SLC35F3: variants seen among roughly 807,000 people sequenced by gnomAD.
SLC35F3 encodes putative thiamine transporter SLC35F3.
Under a neutral mutation model 49.9 loss-of-function variants are expected in SLC35F3, and 25 were observed. The ratio of observed to expected loss-of-function variants is 0.50; its 90% CI spans 0.37 to 0.70. SLC35F3 has a LOEUF of 0.70. Among genes scored for constraint, SLC35F3 ranks in the 30% least tolerant of loss-of-function variants. SLC35F3 has a pLI of 0.00. For synonymous variants in SLC35F3, 275 were observed against 265.4 expected, an observed-to-expected ratio of 1.04 and a Z score of -0.35; for missense variants, 525 against 639.8, an observed-to-expected ratio of 0.82 and a Z score of 1.94.
At chr1:234,197,995 T>C in intron 2 of SLC35F3, among the ~76,000 whole-genome samples, 1 of 152,324 alleles carries the variant, frequency 6.6e-6, no homozygotes, top group East Asian at 1.9e-4. Context: ...CACTTGGCTG[T>C]GAGAAGCCTC....
At chr1:234,125,724 T>A (rs1665636410) in intron 2 of SLC35F3, among the ~76,000 whole-genome samples, 1 of 152,164 alleles carries the variant, frequency 6.6e-6, no homozygotes, top group African/African-American at 2.4e-5. Context: ...ACGGTGACAC[T>A]TCAGAGAAAT....
intron 2 of SLC35F3, among the ~76,000 whole-genome samples, chr1:234,003,210 A>G (rs1482170897): frequency 2.7e-5 from 4 of 149,116 alleles, no homozygotes; most frequent in Non-Finnish European, 4.5e-5. Flanking sequence ...TTTGCAGGAA[A>G]TGGATAAGAA....
At chr1:234,094,514 ATTGT>A (rs1665089698) in intron 2 of SLC35F3, among the ~76,000 whole-genome samples, 2 of 152,058 alleles carry the variant, frequency 1.3e-5, no homozygotes, top group South Asian at 4.2e-4. Flanking sequence ...TTGGTGCCTG[ATTGT>A]TTTCTGTAAA....
chr1:234,305,745 A>C (rs953979198), intron 3 of SLC35F3, among the ~76,000 whole-genome samples: 10 of 152,200 alleles, frequency 6.6e-5, no homozygotes, highest in African/African-American at 2.4e-4. Flanking sequence ...ATGGAAAAAA[A>C]GTTTTCGTTT....
In SLC35F3 at chr1:234,200,719, CAAG is replaced by C. The variant is rs561479742; in HGVS notation, c.284-30694_284-30692del. Among the ~76,000 whole-genome samples the C allele has an allele frequency of 9.8e-5, 15 of 152,286 alleles. 1 individual carries two copies. In the East Asian group the frequency reaches 2.9e-3, roughly 29 times the overall value. On this transcript the variant is annotated intron_variant, in intron 2 of 7. Coordinates refer to ENST00000366618, the MANE Select transcript of SLC35F3 (RefSeq NM_173508.4). ...TTGTCCAAAGTTTAAAACTGATATCCAAGAAGGAGTGGCCTCTTTATTTTACCT... is the reference window on the plus strand; with the variant it reads ...TTGTCCAAAGTTTAAAACTGATATCCAAGGAGTGGCCTCTTTATTTTACCT...
At chr1:234,275,408 C>G (rs1450231199) in intron 3 of SLC35F3, among the ~76,000 whole-genome samples, 1 of 151,986 alleles carries the variant, frequency 6.6e-6, no homozygotes, top group Non-Finnish European at 1.5e-5. Context: ...CAGCCTATAT[C>G]TCATTCATTA....
At chr1:234,122,177 CCCA>C (rs1413840284) in intron 2 of SLC35F3, among the ~76,000 whole-genome samples, 1 of 152,202 alleles carries the variant, frequency 6.6e-6, no homozygotes, top group Non-Finnish European at 1.5e-5. Context: ...AGTTTACACT[CCCA>C]CCAACTGTGT....
intron 3 of SLC35F3, among the ~76,000 whole-genome samples, chr1:234,276,357 A>G (rs1206529509): frequency 6.6e-6 from 1 of 152,224 alleles, no homozygotes; most frequent in Admixed American, 6.5e-5. Flanking sequence ...GAATCTGTGC[A>G]TGTTCAGAAC....
chr1:233,999,142 G>A (rs371070956), intron 2 of SLC35F3, among the ~76,000 whole-genome samples: 43 of 152,272 alleles, frequency 2.8e-4, no homozygotes, highest in African/African-American at 9.6e-4. Context: ...CAGGACAGAT[G>A]CAACCCAGGG....
chr1:234,105,950 G>A (rs1665278512), intron 2 of SLC35F3, among the ~76,000 whole-genome samples: 1 of 152,150 alleles, frequency 6.6e-6, no homozygotes, highest in South Asian at 2.1e-4. Context: ...CCACGTTCCA[G>A]TTAGAGATGT....
At chr1:233,976,711 A>C (rs1663088708) in intron 2 of SLC35F3, among the ~76,000 whole-genome samples, 1 of 152,092 alleles carries the variant, frequency 6.6e-6, no homozygotes, top group African/African-American at 2.4e-5. Context: ...CCTGGGTTCA[A>C]GCAATTCTCC....
intron 2 of SLC35F3, among the ~76,000 whole-genome samples, chr1:234,017,800 C>A (rs1214470984): frequency 5.3e-5 from 8 of 149,588 alleles, no homozygotes; most frequent in Admixed American, 5.3e-4. Flanking sequence ...ATGGCAAAAA[C>A]CGTGATTACT....
At position 234,062,740 on chromosome 1, in the gene SLC35F3, C is replaced by T. The variant is rs538092603; in HGVS notation, c.283+156982C>T. Among the ~76,000 whole-genome samples the T allele has an allele frequency of 1.7e-4, 25 of 150,612 alleles. No individual in the cohort carries two copies. The South Asian group carries it at 2.9e-3, about 18-fold the overall frequency. ...TGTCGCCCAGGCTGGAGTACAGTGG[C>T]GCAATCTCCTTTCCCTGCAAGCTCT... On this transcript the variant is annotated intron_variant, in intron 2 of 7. Coordinates refer to ENST00000366618, the MANE Select transcript of SLC35F3 (RefSeq NM_173508.4).
chr1:233,905,773 C>A lies in SLC35F3; in HGVS notation c.283+15C>A, dbSNP rs368778667. The A allele has an allele frequency of 1.9e-6, 3 of 1,593,626 alleles. No individual in the cohort carries two copies. The highest frequency in any genetic ancestry group is 1.3e-5 in the African/African-American group (1 of 74,614). On this transcript the variant is annotated intron_variant, in intron 2 of 7. Coordinates refer to ENST00000366618, the MANE Select transcript of SLC35F3 (RefSeq NM_173508.4). ...GAGCTGCAAAAGTAAGACCCCCTCACGTCATGTTTCCCGTTCACTGGTCCA... is the reference window on the plus strand; with the variant it reads ...GAGCTGCAAAAGTAAGACCCCCTCAAGTCATGTTTCCCGTTCACTGGTCCA...
At chr1:233,969,489 C>G (rs1662958281) in intron 2 of SLC35F3, among the ~76,000 whole-genome samples, 1 of 152,138 alleles carries the variant, frequency 6.6e-6, no homozygotes, top group Non-Finnish European at 1.5e-5. Context: ...GTGGCCACCT[C>G]CTGTCTGTTC....
Position 234,268,140 on chromosome 1 carries a change from G to A in SLC35F3, c.608+36399G>A, listed in dbSNP as rs549372861. Among the ~76,000 whole-genome samples, 33 of 152,162 alleles carry A rather than the reference G, an allele frequency of 2.2e-4. 1 individual carries two copies. Among genetic ancestry groups the A allele is most frequent in the African/African-American group, 7.5e-4 (31 of 41,482 alleles). On this transcript the variant is annotated intron_variant, in intron 3 of 7. Coordinates refer to ENST00000366618, the MANE Select transcript of SLC35F3 (RefSeq NM_173508.4). ...GGAGGTTGTAGCGAGCCGAGATCACGCCACTGCACTCCAGCCTGGGCAACA... is the reference window on the plus strand; with the variant it reads ...GGAGGTTGTAGCGAGCCGAGATCACACCACTGCACTCCAGCCTGGGCAACA...
At chr1:234,162,996 T>C (rs1296757305) in intron 2 of SLC35F3, among the ~76,000 whole-genome samples, 3 of 152,158 alleles carry the variant, frequency 2.0e-5, no homozygotes, top group Non-Finnish European at 4.4e-5. Context: ...TAAAGAAGAA[T>C]CATGACCTAG....
At chr1:234,269,336 A>G (rs1572126225) in intron 3 of SLC35F3, among the ~76,000 whole-genome samples, 2 of 152,346 alleles carry the variant, frequency 1.3e-5, no homozygotes, top group African/African-American at 2.4e-5. Flanking sequence ...CCTCCTATAC[A>G]GGCAAGGTGG....
intron 2 of SLC35F3, among the ~76,000 whole-genome samples, chr1:234,170,718 A>G (rs1255359518): frequency 6.6e-6 from 1 of 152,132 alleles, no homozygotes; most frequent in African/African-American, 2.4e-5. Context: ...TGGTCCTCAA[A>G]CAGCAGAAGA....
Sources: gnomAD v4.1 joint callset for allele counts (sites outside exome capture counted in the v4.1 genomes callset) on GRCh38, gnomAD v4.1.1 for gene constraint, MANE v1.5 for transcripts, NCBI Gene and HGNC (gene_info 2026-07-23, HGNC 2026-07-21) for gene names.